The following CMTM4 variants were observed in gnomAD, a reference collection of about 807,000 sequenced individuals.
CMTM4 encodes CKLF-like MARVEL transmembrane domain-containing protein 4.
CMTM4 carries 8 observed loss-of-function variants against 19.0 expected under a neutral mutation model. The observed-to-expected ratio is 0.42, with a 90% CI of 0.25 to 0.76. The LOEUF is 0.76. Ranked by LOEUF, CMTM4 falls within the 30% of genes least tolerant of loss-of-function variation. CMTM4 has a pLI of 0.27. For missense variants in CMTM4, 228 were observed against 290.2 expected (o/e 0.79, Z 1.56); for synonymous variants, 106 against 121.1 (o/e 0.88, Z 0.82).
In CMTM4 at chr16:66,621,147, T is replaced by TGTGTGTGTGC. The variant is rs2015626987; in HGVS notation, c.*901_*910dup. On this transcript the variant is annotated 3_prime_UTR_variant, in exon 4 of 4. Coordinates refer to ENST00000394106, the MANE Select transcript of CMTM4 (RefSeq NM_181521.3). ...AGCACACATCCCTAAAATAGAGGGGTGTGTGTGTGCATGTGTGCGCGCACG... is the reference window on the plus strand; with the variant it reads ...AGCACACATCCCTAAAATAGAGGGGTGTGTGTGTGCGTGTGTGTGCATGTGTGCGCGCACG... 1 of 985,604 alleles carries TGTGTGTGTGC rather than the reference T, an allele frequency of 1.0e-6. No homozygotes were observed. The allele number at this position is 985,604 out of a possible 1,614,324, so 61.1% of individuals were successfully genotyped here.
chr16:66,679,753 G>A (rs964560246), intron 1 of CMTM4, among the ~76,000 whole-genome samples: 2 of 151,690 alleles, frequency 1.3e-5, no homozygotes, highest in African/African-American at 2.4e-5. Context: ...GAACCTGGGA[G>A]GTGGAAGTTT....
the CMTM4 span, among the ~76,000 whole-genome samples, chr16:66,598,670 G>A: frequency 6.6e-6 from 1 of 152,166 alleles, no homozygotes; most frequent in African/African-American, 2.4e-5. Context: ...CATGGAGTAT[G>A]TACCTTTTGA....
chr16:66,686,920 CTT>C (rs2017044292), intron 1 of CMTM4, among the ~76,000 whole-genome samples: 1 of 152,130 alleles, frequency 6.6e-6, no homozygotes, highest in South Asian at 2.1e-4. Context: ...AATCACCAGA[CTT>C]TGCCACAGGG....
chr16:66,676,353 G>A lies in CMTM4; in HGVS notation c.186+19987C>T, dbSNP rs932139715. ...CTGTCTCTCCCCATAACCATATAACGGACAAGAAAGATGATCACAAATCAC... is the reference window on the plus strand; with the variant it reads ...CTGTCTCTCCCCATAACCATATAACAGACAAGAAAGATGATCACAAATCAC... On this transcript the variant is annotated intron_variant, in intron 1 of 3. Transcript: ENST00000394106. Among the ~76,000 whole-genome samples the A allele has an allele frequency of 5.9e-5, 9 of 152,024 alleles. No individual in the cohort carries two copies. The South Asian group carries it at 1.0e-3, about 17-fold the overall frequency.
At position 66,619,863 on chromosome 16, in the gene CMTM4, T is replaced by C. The variant is rs1471603084; in HGVS notation, c.*2195A>G. The C allele has an allele frequency of 3.0e-6, 3 of 985,352 alleles. No individual in the cohort carries two copies. The highest frequency in any genetic ancestry group is 1.7e-5 in the African/African-American group (1 of 57,246). 61.0% of individuals were successfully genotyped at this position (985,352 alleles called of 1,614,324 possible). ...AATTCTGAAGAGTCTATCACGAAGA[T>C]GCAAATTAACTCCTAAGTCACTCTC... On this transcript the variant is annotated 3_prime_UTR_variant, in exon 4 of 4. Coordinates refer to ENST00000394106, the MANE Select transcript of CMTM4 (RefSeq NM_181521.3).
chr16:66,673,028 G>A (rs949786260), intron 1 of CMTM4, among the ~76,000 whole-genome samples: 5 of 129,996 alleles, frequency 3.8e-5, no homozygotes, highest in Non-Finnish European at 8.0e-5. Context: ...TCCTGCCCCC[G>A]CCTCCCAAGA....
intron 1 of CMTM4, among the ~76,000 whole-genome samples, chr16:66,658,032 G>A (rs1354239185): frequency 6.6e-6 from 1 of 152,100 alleles, no homozygotes; most frequent in Non-Finnish European, 1.5e-5. Context: ...ACCAGCCTAG[G>A]CAACATACTA....
rs1415560977 is a variant in CMTM4 at position 66,643,884 on chromosome 16, G to C, written c.187-7303C>G. 2.0e-5 allele frequency among the ~76,000 whole-genome samples: 3 copies of C among 152,142 alleles called. No homozygotes were observed. In the East Asian group the frequency reaches 5.8e-4, roughly 29 times the overall value. On this transcript the variant is annotated intron_variant, in intron 1 of 3. Coordinates refer to ENST00000394106, the MANE Select transcript of CMTM4 (RefSeq NM_181521.3). Reference sequence around the variant, plus strand: ...TTCTCCTGTCTCAGCCTCCCAAGTAGCTGGGATTACAGGTGCCCACCACCA... The same window carrying C: ...TTCTCCTGTCTCAGCCTCCCAAGTACCTGGGATTACAGGTGCCCACCACCA...
intron 1 of CMTM4, among the ~76,000 whole-genome samples, chr16:66,673,333 A>G (rs2016748285): frequency 6.6e-6 from 1 of 150,962 alleles, no homozygotes; most frequent in South Asian, 2.1e-4. Context: ...TCAGCCTCCC[A>G]AGTAGCTGGG....
the CMTM4 span, among the ~76,000 whole-genome samples, chr16:66,598,769 A>G: frequency 6.6e-6 from 1 of 152,176 alleles, no homozygotes; most frequent in Non-Finnish European, 1.5e-5. Context: ...CTTGCTGAGT[A>G]GTATTCCATT....
chr16:66,616,771 G>T lies in CMTM4; in HGVS notation c.*5287C>A, dbSNP rs1220618781. ...CACCCTGGTGCAAGGGCACCAGCAG[G>T]TCTCCCTCCTCTCCCCTCCTCACCA... On this transcript the variant is annotated 3_prime_UTR_variant, in exon 4 of 4. Transcript: ENST00000394106. 1 of 152,568 alleles carries T rather than the reference G, an allele frequency of 6.6e-6. No individual in the cohort carries two copies. Among genetic ancestry groups the T allele is most frequent in the Admixed American group, 6.5e-5 (1 of 15,300 alleles). The allele number at this position is 152,568 out of a possible 1,614,324, so 9.5% of individuals were successfully genotyped here. A position where few individuals can be genotyped will look rare whatever the true frequency, so the allele number is the denominator to read the frequency against.
At chr16:66,610,148 C>T, downstream of CMTM4, 2 of 1,014,340 alleles carry the variant, frequency 2.0e-6, no homozygotes, top group African/African-American at 1.6e-5. The surrounding 1 kb of genome is among the most constrained non-coding windows in gnomAD (Gnocchi z 4.6). Flanking sequence ...CTCACCTACC[C>T]TCATGCAGCA....
intron 1 of CMTM4, among the ~76,000 whole-genome samples, chr16:66,640,641 A>G (rs1037747483): frequency 6.6e-6 from 1 of 152,216 alleles, no homozygotes; most frequent in Non-Finnish European, 1.5e-5. Flanking sequence ...ACAAGGGCAG[A>G]AGCCAGGAGG....
At chr16:66,629,439 T>G (rs1214302931) in intron 2 of CMTM4, among the ~76,000 whole-genome samples, 1 of 152,172 alleles carries the variant, frequency 6.6e-6, no homozygotes, top group Middle Eastern at 3.2e-3. Flanking sequence ...TGATCCAAAA[T>G]GCCCACAAGA....
chr16:66,692,016 T>C (rs1288149785), intron 1 of CMTM4, among the ~76,000 whole-genome samples: 1 of 152,160 alleles, frequency 6.6e-6, no homozygotes, highest in Non-Finnish European at 1.5e-5. Context: ...GTATTGGCAG[T>C]CTCATTTTAC....
At chr16:66,642,386 T>G (rs2016111398) in intron 1 of CMTM4, among the ~76,000 whole-genome samples, 1 of 152,200 alleles carries the variant, frequency 6.6e-6, no homozygotes, top group Admixed American at 6.5e-5. Context: ...AGGTGGCAAC[T>G]ACAAACTGAC....
chr16:66,609,780 G>A (rs1446412231), downstream of CMTM4: 1 of 1,610,150 alleles, frequency 6.2e-7, no homozygotes, highest in South Asian at 1.1e-5. This position sits in a 1 kb window ranked among gnomAD's most constrained non-coding sequence, Gnocchi z 4.4. Context: ...TGACACTCGG[G>A]CTGTTTGTCC....
At position 66,621,220 on chromosome 16, in the gene CMTM4, T is replaced by C; in HGVS notation, c.*838A>G. 1.0e-6 allele frequency: 1 copy of C among 985,630 alleles called. No homozygotes were observed. Among genetic ancestry groups the C allele is most frequent in the Non-Finnish European group, 1.2e-6 (1 of 829,938 alleles). 61.1% of individuals were successfully genotyped at this position (985,630 alleles called of 1,614,324 possible). ...ACAAACACCTCCCACCTGCGGTTCATGAAGCCAGCAAATGGGCAAGTGCTT... is the reference window on the plus strand; with the variant it reads ...ACAAACACCTCCCACCTGCGGTTCACGAAGCCAGCAAATGGGCAAGTGCTT... On this transcript the variant is annotated 3_prime_UTR_variant, in exon 4 of 4. Coordinates refer to ENST00000394106, the MANE Select transcript of CMTM4 (RefSeq NM_181521.3).
At chr16:66,679,982 G>A (rs1290009841) in intron 1 of CMTM4, among the ~76,000 whole-genome samples, 1 of 152,112 alleles carries the variant, frequency 6.6e-6, no homozygotes, top group Non-Finnish European at 1.5e-5. Context: ...ACCCCAATAG[G>A]CTTCTGTTTC....
Sources: allele counts gnomAD v4.1 joint callset (sites outside exome capture counted in the v4.1 genomes callset), GRCh38; gene constraint gnomAD v4.1.1; non-coding constraint Gnocchi (gnomAD v3.1); transcripts MANE v1.5; gene names NCBI Gene and HGNC (gene_info 2026-07-23, HGNC 2026-07-21).